The following NLGN4X variants were observed in gnomAD, a reference collection of about 807,000 sequenced individuals.
NLGN4X encodes the protein neuroligin 4 X-linked, also known as neuroligin-4, X-linked.
In NLGN4X, 3 loss-of-function variants were observed where a neutral mutation model predicts 40.3. The observed-to-expected ratio is 0.07, with a 90% CI of 0.03 to 0.19. NLGN4X has a LOEUF of 0.19. Ranked by LOEUF, NLGN4X falls within the 10% of genes least tolerant of loss-of-function variation. NLGN4X has a pLI of 1.00. For synonymous variants in NLGN4X, 270 were observed against 306.8 expected (o/e 0.88, Z 1.25); for missense variants, 382 against 708.3 (o/e 0.54, Z 5.23).
At chrX:6,020,908 C>T (rs935313072) in intron 3 of NLGN4X, among the ~76,000 whole-genome samples, 1 of 110,320 alleles carries the variant, frequency 9.1e-6, no homozygotes, top group Non-Finnish European at 1.9e-5. Context: ...AACTCCTAGG[C>T]TCAAGCAATC....
At chrX:6,227,596 G>A (rs1048622527) in intron 1 of NLGN4X, 1 of 110,476 alleles carries the variant, frequency 9.1e-6, no homozygotes, top group South Asian at 4.0e-4. Flanking sequence ...TCTGCGGCTT[G>A]CCTCACCCTT....
chrX:6,184,545 G>T (rs1479527818), intron 1 of NLGN4X, among the ~76,000 whole-genome samples: 1 of 107,676 alleles, frequency 9.3e-6, no homozygotes, highest in Non-Finnish European at 1.9e-5. Flanking sequence ...AATGCTGGGG[G>T]GGGTGGGGAA....
chrX:5,901,595 T>C (rs1037259246), intron 5 of NLGN4X, among the ~76,000 whole-genome samples: 4 of 111,317 alleles, frequency 3.6e-5, no homozygotes, highest in African/African-American at 1.3e-4. Flanking sequence ...GCTTTTTGTA[T>C]ATTTTATATT....
chrX:6,227,508 C>A (rs1348805748), intron 1 of NLGN4X, among the ~76,000 whole-genome samples: 2 of 106,829 alleles, frequency 1.9e-5, no homozygotes, highest in Non-Finnish European at 3.8e-5. Flanking sequence ...CAGCTGCAAG[C>A]CCCCCCGCGC....
intron 3 of NLGN4X, among the ~76,000 whole-genome samples, chrX:5,965,495 G>A (rs2034804459): frequency 8.9e-6 from 1 of 112,128 alleles, no homozygotes; most frequent in Non-Finnish European, 1.9e-5. Flanking sequence ...CCTACACATG[G>A]CATGGTCCTC....
intron 3 of NLGN4X, among the ~76,000 whole-genome samples, chrX:6,008,031 C>T (rs910860892): frequency 1.8e-5 from 2 of 111,954 alleles, no homozygotes; most frequent in Non-Finnish European, 3.8e-5. Flanking sequence ...GACCTTTCTA[C>T]ACTTTTAAAG....
At chrX:6,193,206 G>A (rs1035387640) in intron 1 of NLGN4X, among the ~76,000 whole-genome samples, 4 of 110,925 alleles carry the variant, frequency 3.6e-5, no homozygotes, top group South Asian at 3.8e-4. Context: ...CGGATCACGA[G>A]GTCAGGAGAT....
At chrX:6,173,339 C>T (rs942791604) in intron 1 of NLGN4X, among the ~76,000 whole-genome samples, 1 of 111,843 alleles carries the variant, frequency 8.9e-6, no homozygotes, top group Non-Finnish European at 1.9e-5. Flanking sequence ...TGACCCTCCC[C>T]TGACCTGTTG....
chrX:6,062,710 T>C (rs1459534543), intron 2 of NLGN4X, among the ~76,000 whole-genome samples: 1 of 110,459 alleles, frequency 9.1e-6, no homozygotes, highest in Non-Finnish European at 1.9e-5. Context: ...AGTGAGTAAG[T>C]ATCACAAAAC....
At chrX:6,177,924 A>T (rs1254295524) in intron 1 of NLGN4X, among the ~76,000 whole-genome samples, 3 of 110,553 alleles carry the variant, frequency 2.7e-5, no homozygotes, top group Non-Finnish European at 5.7e-5. Context: ...ATAAAAGGGA[A>T]CTCAGCTCCC....
At chrX:6,006,799 A>C (rs1018396171) in intron 3 of NLGN4X, among the ~76,000 whole-genome samples, 8 of 111,940 alleles carry the variant, frequency 7.1e-5, no homozygotes, top group African/African-American at 2.6e-4. Context: ...AAAAAGCAGC[A>C]CATGTTGGCA....
intron 2 of NLGN4X, among the ~76,000 whole-genome samples, chrX:6,146,123 A>G (rs1418228056): frequency 9.6e-6 from 1 of 104,501 alleles, no homozygotes; most frequent in Non-Finnish European, 2.0e-5. Context: ...TCTAAAAGGA[A>G]AAAAAAAAAA....
At chrX:6,172,443 ATCTC>A (rs918641126) in intron 1 of NLGN4X, among the ~76,000 whole-genome samples, 5 of 111,662 alleles carry the variant, frequency 4.5e-5, no homozygotes, top group Non-Finnish European at 5.6e-5. Flanking sequence ...CCATTTTGCT[ATCTC>A]TCTCTCATTA....
At chrX:6,099,383 T>A (rs1031103512) in intron 2 of NLGN4X, among the ~76,000 whole-genome samples, 1 of 112,329 alleles carries the variant, frequency 8.9e-6, no homozygotes, top group Non-Finnish European at 1.9e-5. Context: ...CTGAAGTATA[T>A]GTAACAACAA....
At chrX:5,947,973 T>C (rs761697404) in intron 3 of NLGN4X, among the ~76,000 whole-genome samples, 9 of 111,809 alleles carry the variant, frequency 8.0e-5, no homozygotes, top group African/African-American at 2.9e-4. Context: ...TATAAATATA[T>C]ACGGAACCTA....
intron 5 of NLGN4X, among the ~76,000 whole-genome samples, chrX:5,894,223 G>A (rs191929164): frequency 1.0e-3 from 118 of 112,451 alleles, no homozygotes; most frequent in African/African-American, 3.7e-3. Context: ...TAACAGTACT[G>A]AGGTTGAGAA....
At chrX:5,905,497 G>A (rs2032125476) in intron 4 of NLGN4X, among the ~76,000 whole-genome samples, 1 of 111,667 alleles carries the variant, frequency 9.0e-6, no homozygotes, top group South Asian at 3.7e-4. Context: ...AATTATTATT[G>A]AGTAAATACA....
chrX:5,894,369 T>C (rs758960604), intron 5 of NLGN4X, among the ~76,000 whole-genome samples: 79 of 112,755 alleles, frequency 7.0e-4, no homozygotes, highest in Admixed American at 1.9e-3. Flanking sequence ...AAATAGGCTT[T>C]ATAATTACAA....
intron 2 of NLGN4X, among the ~76,000 whole-genome samples, chrX:6,088,010 C>T (rs1479782982): frequency 8.9e-6 from 1 of 111,737 alleles, no homozygotes; most frequent in East Asian, 2.8e-4. Context: ...TTCTCATCTA[C>T]ACACGATTTT....
Sources: gnomAD v4.1 joint callset for allele counts (sites outside exome capture counted in the v4.1 genomes callset) on GRCh38, gnomAD v4.1.1 for gene constraint, MANE v1.5 for transcripts, NCBI Gene and HGNC (gene_info 2026-07-23, HGNC 2026-07-21) for gene names.